The following CEP44 variants were observed in gnomAD, a reference collection of about 807,000 sequenced individuals.
CEP44 encodes centrosomal protein 44.
Under a neutral mutation model 46.7 loss-of-function variants are expected in CEP44, and 45 were observed. That is an observed-to-expected ratio of 0.96 (90% CI 0.76 to 1.24). CEP44 has a LOEUF of 1.24. CEP44 is among the 50% of genes most tolerant of loss of function. The probability of loss-of-function intolerance (pLI) is 0.00; values close to 1 mark genes in which losing one functional copy is unlikely to be tolerated. For synonymous variants in CEP44, 142 were observed against 146.0 expected (o/e 0.97, Z 0.20); for missense variants, 475 against 459.7 (o/e 1.03, Z -0.30).
Position 174,326,142 on chromosome 4 carries a change from C to G in CEP44, c.1087-5340C>G, listed in dbSNP as rs1207139009. On this transcript the variant is annotated intron_variant, in intron 8 of 8. Coordinates refer to the CEP44 transcript ENST00000426172. This position sits in a 1 kb window ranked among gnomAD's most constrained non-coding sequence, Gnocchi z 4.8. The stretch of plus-strand genomic sequence containing the variant: ...TTTGTTCTTAGCTGCTTTTTTGCCT[C>G]TTTTCCTGAATTATTTTTCACTGGA... Among the ~76,000 whole-genome samples, 1 of 151,736 alleles carries G rather than the reference C, an allele frequency of 6.6e-6. No homozygotes were observed. The highest frequency in any genetic ancestry group is 2.4e-5 in the African/African-American group (1 of 41,354).
At chr4:174,328,803 A>G (rs773744196) in intron 8 of CEP44, among the ~76,000 whole-genome samples, 2 of 152,220 alleles carry the variant, frequency 1.3e-5, no homozygotes, top group Admixed American at 6.5e-5. Context: ...GAAGTTATCA[A>G]TTATGCTTAA....
chr4:174,320,438 T>C (rs914654147), downstream of CEP44: 3 of 541,296 alleles, frequency 5.5e-6, no homozygotes, highest in Non-Finnish European at 7.1e-6. Context: ...ACAACACTTT[T>C]TGAGCTCAAA....
chr4:174,289,530 G>A (rs1435646697), intron 1 of CEP44, among the ~76,000 whole-genome samples: 1 of 151,412 alleles, frequency 6.6e-6, no homozygotes, highest in East Asian at 1.9e-4. Flanking sequence ...CCAATTTGAT[G>A]GCATATAATT....
Position 174,288,621 on chromosome 4 carries a change from G to A in CEP44, c.-148+4678G>A, listed in dbSNP as rs1246463265. 4.6e-5 allele frequency among the ~76,000 whole-genome samples: 7 copies of A among 151,986 alleles called. No individual in the cohort carries two copies. The highest frequency in any genetic ancestry group is 1.0e-4 in the Non-Finnish European group (7 of 67,958). On this transcript the variant is annotated intron_variant, in intron 1 of 11. Coordinates refer to ENST00000503780, the MANE Select transcript of CEP44 (RefSeq NM_001040157.3). The surrounding 1 kb of genome is among the most constrained non-coding windows in gnomAD (Gnocchi z 4.6). ...GGCAGGATTTCCTTCTTTTTTAAAG[G>A]CAAATTTGTTTATTCTCACATTTTT...
At position 174,286,280 on chromosome 4, in the gene CEP44, T is replaced by G. The variant is rs1325336794; in HGVS notation, c.-148+2337T>G. ...TTAGGATTTTGTAAATCGGTGACCT[T>G]CTTACCTTTCCTTATTTAAAGATAG... On this transcript the variant is annotated intron_variant, in intron 1 of 11. Transcript: ENST00000503780. This position sits in a 1 kb window ranked among gnomAD's most constrained non-coding sequence, Gnocchi z 5.2. Among the ~76,000 whole-genome samples, 1 of 152,154 alleles carries G rather than the reference T, an allele frequency of 6.6e-6. No individual in the cohort carries two copies. The highest frequency in any genetic ancestry group is 2.4e-5 in the African/African-American group (1 of 41,450).
chr4:174,321,343 CCTT>C (rs1369942970), downstream of CEP44, among the ~76,000 whole-genome samples: 4 of 152,098 alleles, frequency 2.6e-5, no homozygotes, highest in Admixed American at 6.6e-5. Context: ...ATCTTGGCCT[CCTT>C]AGCACCTTTG....
Position 174,290,101 on chromosome 4 carries a change from GC to G in CEP44, c.-148+6160del, listed in dbSNP as rs569746255. ...AATCTCTTGACCTAGTGACCCGCCT[GC>G]CTCAGCCCCCAAAAGTGCTAGGATT... On this transcript the variant is annotated intron_variant, in intron 1 of 11. Transcript: ENST00000503780. The surrounding 1 kb of genome is among the most constrained non-coding windows in gnomAD (Gnocchi z 4.3). Among the ~76,000 whole-genome samples the G allele has an allele frequency of 2.0e-5, 3 of 152,200 alleles. No homozygotes were observed. In the South Asian group the frequency reaches 6.2e-4, roughly 32 times the overall value.
rs766198712 is a variant in CEP44 at position 174,309,857 on chromosome 4, A to G, written c.686A>G (p.Asn229Ser). The G allele has an allele frequency of 1.3e-6, 2 of 1,598,340 alleles. No homozygotes were observed. Among genetic ancestry groups the G allele is most frequent in the Non-Finnish European group, 1.7e-6 (2 of 1,167,944 alleles). ...PEIKAEQQDV[N>S]VNPEITALQT... ...TCTCTCTAACCTTTTTAGGATGTAA[A>G]TGTTAATCCTGAGATTACTGCACTA... is the stretch of plus-strand genomic sequence containing the variant. The change falls in exon 8 of 12, where the codon AAT becomes AGT. Residue 229 changes from asparagine (N) to serine (S), a missense_variant. Physicochemically the swap from Asn to Ser is conservative, Grantham distance 46 (BLOSUM62 1). Transcript: ENST00000503780. This position sits in a 1 kb window ranked among gnomAD's most constrained non-coding sequence, Gnocchi z 5.3.
chr4:174,295,171 A>G lies in CEP44; in HGVS notation c.-147-2795A>G, dbSNP rs1738809197. ...CGGATGGGGTGGCTGCCGGGCAGAG[A>G]CGCTCCTCACTTCCCAGACGGGGTG... On this transcript the variant is annotated intron_variant, in intron 1 of 11. Transcript: ENST00000503780. 4.6e-5 allele frequency among the ~76,000 whole-genome samples: 7 copies of G among 150,806 alleles called. No homozygotes were observed. In the South Asian group the frequency reaches 1.5e-3, roughly 32 times the overall value.
chr4:174,309,042 G>T lies in CEP44; in HGVS notation c.678+183G>T, dbSNP rs141748837. On this transcript the variant is annotated intron_variant, in intron 7 of 11. Coordinates refer to ENST00000503780, the MANE Select transcript of CEP44 (RefSeq NM_001040157.3). The surrounding 1 kb of genome is among the most constrained non-coding windows in gnomAD (Gnocchi z 5.3). ...TAAAATAATTCAACAAATATTTGCT[G>T]CATATGTGTAGGGTGCTGGGCTAAG... 6.6e-6 allele frequency among the ~76,000 whole-genome samples: 1 copy of T among 152,082 alleles called. No homozygotes were observed. The highest frequency in any genetic ancestry group is 1.5e-5 in the Non-Finnish European group (1 of 67,978).
rs1739199929 is a variant in CEP44, at chr4:174,297,650, T to TTGTG, written c.-147-316_-147-315insTGTG. ...GCTGAGATATAGGAAGAAACTTTAT[T>TTGTG]AGTGTGTGTGTGTGTGTGTGTGTGT... On this transcript the variant is annotated intron_variant, in intron 1 of 11. Coordinates refer to ENST00000503780, the MANE Select transcript of CEP44 (RefSeq NM_001040157.3). The surrounding 1 kb of genome is among the most constrained non-coding windows in gnomAD (Gnocchi z 4.3). 2.0e-5 allele frequency among the ~76,000 whole-genome samples: 2 copies of TTGTG among 99,776 alleles called. No individual in the cohort carries two copies. The highest frequency in any genetic ancestry group is 1.2e-4 in the Admixed American group (1 of 8,592). 65.5% of individuals were successfully genotyped at this position (99,776 alleles called of 152,430 possible).
Position 174,309,611 on chromosome 4 carries a change from A to G in CEP44, c.679-239A>G, listed in dbSNP as rs1036084140. Among the ~76,000 whole-genome samples, 1 of 151,922 alleles carries G rather than the reference A, an allele frequency of 6.6e-6. No individual in the cohort carries two copies. Among genetic ancestry groups the G allele is most frequent in the Admixed American group, 6.6e-5 (1 of 15,216 alleles). ...ATTAACTCATTATCAGAAGAATCAT[A>G]TGAAATAGATACTGCTCTTATCTCT... On this transcript the variant is annotated intron_variant, in intron 7 of 11. Coordinates refer to ENST00000503780, the MANE Select transcript of CEP44 (RefSeq NM_001040157.3). The surrounding 1 kb of genome is among the most constrained non-coding windows in gnomAD (Gnocchi z 5.3).
chr4:174,297,160 A>G lies in CEP44; in HGVS notation c.-147-806A>G, dbSNP rs191523632. On this transcript the variant is annotated intron_variant, in intron 1 of 11. Coordinates refer to ENST00000503780, the MANE Select transcript of CEP44 (RefSeq NM_001040157.3). The surrounding 1 kb of genome is among the most constrained non-coding windows in gnomAD (Gnocchi z 4.3). ...GATCTTATTTTTGATCCACTTTAACAATCTCTGGCTCATTTTACATTCTCA... is the reference window on the plus strand; with the variant it reads ...GATCTTATTTTTGATCCACTTTAACGATCTCTGGCTCATTTTACATTCTCA... Among the ~76,000 whole-genome samples the G allele has an allele frequency of 2.2e-4, 34 of 152,240 alleles. No individual in the cohort carries two copies. The highest frequency in any genetic ancestry group is 8.2e-4 in the African/African-American group (34 of 41,558).
chr4:174,317,479 C>T lies in CEP44; in HGVS notation c.*96C>T. Reference sequence around the variant, plus strand: ...ACAATTTTAATATACTGCAATACTGCAGTTTTTGACAATTTGGATTCCATT... The same window carrying T: ...ACAATTTTAATATACTGCAATACTGTAGTTTTTGACAATTTGGATTCCATT... On this transcript the variant is annotated 3_prime_UTR_variant, in exon 12 of 12. Coordinates refer to ENST00000503780, the MANE Select transcript of CEP44 (RefSeq NM_001040157.3). The T allele has an allele frequency of 8.0e-7, 1 of 1,243,770 alleles. No individual in the cohort carries two copies. Among genetic ancestry groups the T allele is most frequent in the Non-Finnish European group, 1.0e-6 (1 of 973,128 alleles). 77.0% of individuals were successfully genotyped at this position (1,243,770 alleles called of 1,614,324 possible). A position where few individuals can be genotyped will look rare whatever the true frequency, so the allele number is the denominator to read the frequency against.
chr4:174,284,241 T>TA, intron 1 of CEP44: 1 of 396,956 alleles, frequency 2.5e-6, no homozygotes, highest in East Asian at 3.6e-5. Flanking sequence ...AATGACCAGA[T>TA]CCGCCTTTTC....
At chr4:174,316,469 C>A (rs1741728357) in intron 10 of CEP44, 61 bp from the exon 11 acceptor site, 2 of 1,455,544 alleles carry the variant, frequency 1.4e-6, no homozygotes, top group African/African-American at 1.4e-5. Flanking sequence ...CATTCTCGGT[C>A]CATCTTTGAT....
Position 174,301,520 on chromosome 4 carries a change from C to T in CEP44, c.90-519C>T, listed in dbSNP as rs971234552. Among the ~76,000 whole-genome samples the T allele has an allele frequency of 2.6e-5, 4 of 152,100 alleles. No individual in the cohort carries two copies. Among genetic ancestry groups the T allele is most frequent in the African/African-American group, 7.2e-5 (3 of 41,436 alleles). ...TGGAATTAACATAGGTAATAATATA[C>T]GATTTAGAAGGAGCAGTAAGTGAAA... is the stretch of plus-strand genomic sequence containing the variant. On this transcript the variant is annotated intron_variant, in intron 3 of 11. Transcript: ENST00000503780. The surrounding 1 kb of genome is among the most constrained non-coding windows in gnomAD (Gnocchi z 4.3).
At chr4:174,307,503 A>G (rs1740555808) in intron 6 of CEP44, among the ~76,000 whole-genome samples, 1 of 152,222 alleles carries the variant, frequency 6.6e-6, no homozygotes, top group Admixed American at 6.5e-5. Context: ...CAAAACTATA[A>G]AAACCCTGGA....
chr4:174,309,891 G>C lies in CEP44; in HGVS notation c.720G>C (p.Met240Ile). ...VNPEITALQT[M>I]LAECQENLKK... ...CTGAGATTACTGCACTACAAACTATGCTTGCTGAATGCCAAGAAAATCTTA... is the reference window on the plus strand; with the variant it reads ...CTGAGATTACTGCACTACAAACTATCCTTGCTGAATGCCAAGAAAATCTTA... The change falls in exon 8 of 12, where the codon ATG (methionine) becomes ATC (isoleucine). Residue 240 changes from methionine (M) to isoleucine (I), a missense_variant. By Grantham distance (10) the Met-to-Ile change is conservative (BLOSUM62 1). Coordinates refer to ENST00000503780, the MANE Select transcript of CEP44 (RefSeq NM_001040157.3). The surrounding 1 kb of genome is among the most constrained non-coding windows in gnomAD (Gnocchi z 5.3). 1 of 1,611,866 alleles carries C rather than the reference G, an allele frequency of 6.2e-7. No homozygotes were observed. The highest frequency in any genetic ancestry group is 2.2e-5 in the East Asian group (1 of 44,752).
Sources: gnomAD v4.1 joint callset for allele counts (sites outside exome capture counted in the v4.1 genomes callset) on GRCh38, gnomAD v4.1.1 for gene constraint, Gnocchi (gnomAD v3.1) non-coding constraint, MANE v1.5 for transcripts, NCBI Gene and HGNC (gene_info 2026-07-23, HGNC 2026-07-21) for gene names.